The following CSNK1E variants were observed in gnomAD, a reference collection of about 807,000 sequenced individuals.
The protein encoded by CSNK1E is casein kinase 1 epsilon, also known as casein kinase I isoform epsilon.
CSNK1E carries 17 observed loss-of-function variants against 46.1 expected under a neutral mutation model. The ratio of observed to expected loss-of-function variants is 0.37; its 90% CI spans 0.25 to 0.55. CSNK1E has a LOEUF of 0.55. Among genes scored for constraint, CSNK1E ranks in the 20% least tolerant of loss-of-function variants. The pLI is 0.82. For missense variants in CSNK1E, 386 were observed against 595.4 expected (o/e 0.65, Z 3.66); for synonymous variants, 241 against 242.6 (o/e 0.99, Z 0.06).
chr22:38,296,776 G>A, intron 7 of CSNK1E: 2 of 1,489,368 alleles, frequency 1.3e-6, no homozygotes, highest in Non-Finnish European at 1.8e-6. Flanking sequence ...AGAACGTTCT[G>A]GATGAAGGAA....
At chr22:38,295,213 A>T (rs1314373124) in intron 7 of CSNK1E, among the ~76,000 whole-genome samples, 1 of 152,176 alleles carries the variant, frequency 6.6e-6, no homozygotes, top group Non-Finnish European at 1.5e-5. Flanking sequence ...GGAGAAGAAA[A>T]TGGGGCCACG....
At chr22:38,316,407 T>C (rs956295051) in intron 1 of CSNK1E, among the ~76,000 whole-genome samples, 2 of 152,124 alleles carry the variant, frequency 1.3e-5, no homozygotes, top group African/African-American at 4.8e-5. Context: ...AAGGAGGCTA[T>C]GCCAGGAAGA....
At chr22:38,316,126 G>C (rs898557210) in intron 1 of CSNK1E, among the ~76,000 whole-genome samples, 4 of 151,612 alleles carry the variant, frequency 2.6e-5, no homozygotes, top group Admixed American at 6.6e-5. Flanking sequence ...TAAACAAAGT[G>C]GGGGGAAAAG....
Position 38,298,909 on chromosome 22 carries a change from G to A in CSNK1E, c.762C>T (p.Phe254=), listed in dbSNP as rs1223607526. ...TGTCGTCAAACCGCAGGGAGCGGCA[G>A]AAGTTGAGGTATGTTGAGAATTCGG... ...YPSEFSTYLN[F]CRSLRFDDKP... Residue 254 remains phenylalanine, a synonymous_variant, in exon 7 of 11, where the codon TTC becomes TTT. Transcript: ENST00000396832. This position sits in a 1 kb window ranked among gnomAD's most constrained non-coding sequence, Gnocchi z 4.2. The A allele has an allele frequency of 6.2e-7, 1 of 1,614,106 alleles. No individual in the cohort carries two copies. The highest frequency in any genetic ancestry group is 8.5e-7 in the Non-Finnish European group (1 of 1,180,040).
rs1189549750 is a variant in CSNK1E at position 38,298,199 on chromosome 22, GCCC to G, written c.885+584_885+586del. 7 of 1,303,836 alleles carry G rather than the reference GCCC, an allele frequency of 5.4e-6. No homozygotes were observed. The highest frequency in any genetic ancestry group is 7.1e-6 in the Non-Finnish European group (7 of 988,816). 80.8% of individuals were successfully genotyped at this position (1,303,836 alleles called of 1,614,324 possible). ...ACGGGGCTGAGCCTGGCTCGAGGAA[GCCC>G]CCTTTTCCAGAAGAGATGTGAAACA... On this transcript the variant is annotated intron_variant, in intron 7 of 10. Transcript: ENST00000396832. This position sits in a 1 kb window ranked among gnomAD's most constrained non-coding sequence, Gnocchi z 4.2.
Position 38,294,583 on chromosome 22 carries a change from C to A in CSNK1E, c.886-49G>T. ...CCAGTCAGCCCCAGAGGCCAGGGTG[C>A]TCTGGGCCCAGCAGCCCTGCAGGGC... On this transcript the variant is annotated intron_variant, in intron 7 of 10. Coordinates refer to ENST00000396832, the MANE Select transcript of CSNK1E (RefSeq NM_152221.3). This position sits in a 1 kb window ranked among gnomAD's most constrained non-coding sequence, Gnocchi z 5.5. The A allele has an allele frequency of 6.6e-7, 1 of 1,518,744 alleles. No individual in the cohort carries two copies. Among genetic ancestry groups the A allele is most frequent in the South Asian group, 1.2e-5 (1 of 81,304 alleles). 94.1% of individuals were successfully genotyped at this position (1,518,744 alleles called of 1,614,324 possible).
At position 38,299,065 on chromosome 22, in the gene CSNK1E, C is replaced by T; in HGVS notation, c.737-131G>A. ...ATCTGTGAGAGGCAAGAAAAGGAGG[C>T]AACAGAGCCATGGCCTTCCCTATCC... On this transcript the variant is annotated intron_variant, in intron 6 of 10. Transcript: ENST00000396832. The T allele has an allele frequency of 5.0e-6, 5 of 1,009,536 alleles. No individual in the cohort carries two copies. In the South Asian group the frequency reaches 7.6e-5, roughly 15 times the overall value. The allele number at this position is 1,009,536 out of a possible 1,614,324, so 62.5% of individuals were successfully genotyped here.
At chr22:38,295,162 A>C (rs904946511) in intron 7 of CSNK1E, among the ~76,000 whole-genome samples, 1 of 152,136 alleles carries the variant, frequency 6.6e-6, no homozygotes, top group Non-Finnish European at 1.5e-5. Flanking sequence ...CAGGGAACCC[A>C]CAGACACCGC....
Position 38,298,953 on chromosome 22 carries a change from G to A in CSNK1E, c.737-19C>T, listed in dbSNP as rs201188082. ...AATTCGGCTGGAGGGTGTTGCAGAGGATAGAGAAGGCCACTGTGAGGCCCA... is the reference window on the plus strand; with the variant it reads ...AATTCGGCTGGAGGGTGTTGCAGAGAATAGAGAAGGCCACTGTGAGGCCCA... On this transcript the variant is annotated intron_variant, in intron 6 of 10. Transcript: ENST00000396832. This position sits in a 1 kb window ranked among gnomAD's most constrained non-coding sequence, Gnocchi z 4.2. 6.8e-6 allele frequency: 11 copies of A among 1,613,908 alleles called. No homozygotes were observed. The highest frequency in any genetic ancestry group is 5.3e-5 in the African/African-American group (4 of 75,040).
chr22:38,314,086 G>T lies in CSNK1E; in HGVS notation c.72C>A (p.Tyr24Ter). The T allele has an allele frequency of 6.2e-7, 1 of 1,613,848 alleles. No homozygotes were observed. Among genetic ancestry groups the T allele is most frequent in the Non-Finnish European group, 8.5e-7 (1 of 1,179,796 alleles). The change falls in exon 2 of 11, where the codon TAC becomes TAA. Residue 24 changes from tyrosine to a stop codon, truncating the protein, a stop_gained. Coordinates refer to ENST00000396832, the MANE Select transcript of CSNK1E (RefSeq NM_152221.3). LOFTEE classifies it high-confidence loss of function. ...GCTGGAGCTAGGAACACTTACCCAGGTAGATATCTCCGAAGGACCCGCTCC... is the reference window on the plus strand; with the variant it reads ...GCTGGAGCTAGGAACACTTACCCAGTTAGATATCTCCGAAGGACCCGCTCC... The part of the protein sequence containing the change: ...KIGSGSFGDI[Y>*]LGANIASGEE...
intron 2 of CSNK1E, among the ~76,000 whole-genome samples, chr22:38,308,754 A>G (rs995482171): frequency 6.6e-6 from 1 of 152,056 alleles, no homozygotes; most frequent in South Asian, 2.1e-4. Context: ...AGCCTCCGGG[A>G]GGGCAGGCTG....
chr22:38,296,965 G>A (rs1238335548), intron 7 of CSNK1E: 3 of 616,448 alleles, frequency 4.9e-6, no homozygotes, highest in Non-Finnish European at 8.7e-6. Flanking sequence ...AGTAGAAATG[G>A]GTTTCACCAT....
Position 38,303,174 on chromosome 22 carries a change from T to G in CSNK1E, c.151A>C (p.Ile51Leu). ...ATCATCTTGTAGAACTTGCTCTCGA[T>G]GTGCAGCTGGGGGTGCTTTGTCTTC... ...CVKTKHPQLH[I>L]ESKFYKMMQG... Residue 51 changes from isoleucine (I) to leucine (L), a missense_variant, in exon 3 of 11, where the codon ATC (isoleucine) becomes CTC (leucine). Transcript: ENST00000396832. The surrounding 1 kb of genome is among the most constrained non-coding windows in gnomAD (Gnocchi z 4.7). 6.2e-7 allele frequency: 1 copy of G among 1,610,732 alleles called. No homozygotes were observed. The highest frequency in any genetic ancestry group is 1.1e-5 in the South Asian group (1 of 90,692).
chr22:38,296,691 T>A, intron 7 of CSNK1E: 1 of 1,611,070 alleles, frequency 6.2e-7, no homozygotes, highest in Non-Finnish European at 8.5e-7. Flanking sequence ...CCTGGCCTGG[T>A]TGGAAAAGAG....
chr22:38,304,017 A>G (rs2092687128), intron 2 of CSNK1E, among the ~76,000 whole-genome samples: 1 of 152,176 alleles, frequency 6.6e-6, no homozygotes, highest in Non-Finnish European at 1.5e-5. Context: ...GCCTGGGCCC[A>G]CTGCCCAACT....
At chr22:38,299,743 CAT>C in intron 6 of CSNK1E, 150 bp downstream of exon 6, 1 of 783,228 alleles carries the variant, frequency 1.3e-6, no homozygotes. Context: ...CTCCTGACCT[CAT>C]GATCCACCTG....
intron 1 of CSNK1E, chr22:38,316,529 G>A (rs1190077510): frequency 6.6e-6 from 1 of 152,242 alleles, no homozygotes; most frequent in Non-Finnish European, 1.5e-5. Context: ...ACTGTTTTGC[G>A]TTCCTTAGAG....
At position 38,291,349 on chromosome 22, in the gene CSNK1E, C is replaced by CAT. The variant is rs1344274687; in HGVS notation, c.*621_*622insAT. 1.3e-5 allele frequency: 2 copies of CAT among 151,686 alleles called. No homozygotes were observed. The highest frequency in any genetic ancestry group is 2.0e-4 in the East Asian group (1 of 5,120). The allele number at this position is 151,686 out of a possible 1,614,324, so 9.4% of individuals were successfully genotyped here. A position where few individuals can be genotyped will look rare whatever the true frequency, so the allele number is the denominator to read the frequency against. Reference sequence around the variant, plus strand: ...ACAGGTCAATACATCCACACACACACACACACACACACACGCAGGGGACGC... The same window carrying CAT: ...ACAGGTCAATACATCCACACACACACATACACACACACACACGCAGGGGACGC... On this transcript the variant is annotated 3_prime_UTR_variant, in exon 11 of 11. Transcript: ENST00000396832.
rs1454956829 is a variant in CSNK1E at position 38,294,284 on chromosome 22, C to A, written c.1079-36G>T. The A allele has an allele frequency of 1.9e-6, 3 of 1,603,770 alleles. No individual in the cohort carries two copies. The South Asian group carries it at 3.3e-5, about 18-fold the overall frequency. On this transcript the variant is annotated intron_variant, in intron 8 of 10. Transcript: ENST00000396832. The surrounding 1 kb of genome is among the most constrained non-coding windows in gnomAD (Gnocchi z 5.5). ...AGTGGGAAGCCACCCTCAGAGTAGG[C>A]ACAAACAGAGCCCCCCACCCACCCT...
Sources: gnomAD v4.1 joint callset for allele counts (sites outside exome capture counted in the v4.1 genomes callset) on GRCh38, gnomAD v4.1.1 for gene constraint, Gnocchi (gnomAD v3.1) non-coding constraint, MANE v1.5 for transcripts, NCBI Gene and HGNC (gene_info 2026-07-23, HGNC 2026-07-21) for gene names.